Variants in TRIM22 observed in about 807,000 individuals in gnomAD.
TRIM22 encodes E3 ubiquitin-protein ligase TRIM22.
TRIM22 carries 45 observed loss-of-function variants against 53.6 expected under a neutral mutation model. The observed-to-expected ratio is 0.84, with a 90% CI of 0.66 to 1.08. The LOEUF is 1.08. TRIM22 is among the 50% of genes least tolerant of loss of function. The pLI is 0.00. For synonymous variants in TRIM22, 225 were observed against 216.6 expected, an observed-to-expected ratio of 1.04 and a Z score of -0.34; for missense variants, 616 against 590.9, an observed-to-expected ratio of 1.04 and a Z score of -0.44.
intron 2 of TRIM22, 118 bp from the exon 3 acceptor site, chr11:5,697,130 C>G (rs1853277290): frequency 1.4e-6 from 1 of 701,742 alleles, no homozygotes; most frequent in African/African-American, 1.8e-5. Flanking sequence ...TAATCACCAG[C>G]CTCACTGTTT....
Position 5,709,704 on chromosome 11 carries a change from T to C in TRIM22, c.*56T>C. 6.9e-7 allele frequency: 1 copy of C among 1,441,506 alleles called. No individual in the cohort carries two copies. Among genetic ancestry groups the C allele is most frequent in the Non-Finnish European group, 9.5e-7 (1 of 1,054,442 alleles). 89.3% of individuals were successfully genotyped at this position (1,441,506 alleles called of 1,614,324 possible). On this transcript the variant is annotated 3_prime_UTR_variant, in exon 8 of 8. Coordinates refer to ENST00000379965, the MANE Select transcript of TRIM22 (RefSeq NM_006074.5). ...AGTAGCCCTTGTGCTGAGACTCAGA[T>C]TCTGCACCTGAGTTCATCTCTACTG...
chr11:5,705,865 G>A (rs1853450001), intron 4 of TRIM22, among the ~76,000 whole-genome samples: 1 of 152,134 alleles, frequency 6.6e-6, no homozygotes, highest in Non-Finnish European at 1.5e-5. Flanking sequence ...ACTTGGTCCT[G>A]TGGCTTGTTT....
At chr11:5,703,006 C>T (rs557857910) in intron 4 of TRIM22, among the ~76,000 whole-genome samples, 11 of 152,166 alleles carry the variant, frequency 7.2e-5, no homozygotes, top group Non-Finnish European at 1.0e-4. Flanking sequence ...AGATCATTTA[C>T]ATACTGAATC....
At position 5,696,164 on chromosome 11, in the gene TRIM22, C is replaced by T; in HGVS notation, c.-66-3C>T. The T allele has an allele frequency of 6.9e-7, 1 of 1,441,942 alleles. No homozygotes were observed. Among genetic ancestry groups the T allele is most frequent in the Non-Finnish European group, 9.4e-7 (1 of 1,061,542 alleles). The allele number at this position is 1,441,942 out of a possible 1,614,324, so 89.3% of individuals were successfully genotyped here. A position where few individuals can be genotyped will look rare whatever the true frequency, so the allele number is the denominator to read the frequency against. ...CTTACCCTGTCCCCTTCAACATTCT[C>T]AGCACTGCAGGAGTTTGTGACCAAG... On this transcript the variant is annotated splice_region_variant and splice_polypyrimidine_tract_variant and intron_variant, in intron 1 of 7. Transcript: ENST00000379965.
intron 1 of TRIM22, among the ~76,000 whole-genome samples, chr11:5,695,725 TGCAAATA>T (rs1853248158): frequency 6.6e-6 from 1 of 152,206 alleles, no homozygotes; most frequent in African/African-American, 2.4e-5. Context: ...CTTAAAAATA[TGCAAATA>T]TTCATGAATC....
At chr11:5,696,793 G>A in intron 2 of TRIM22, 138 bp downstream of exon 2, 1 of 949,604 alleles carries the variant, frequency 1.1e-6, no homozygotes, top group Non-Finnish European at 1.5e-6. Flanking sequence ...CATACTCTTT[G>A]CTTAGTTTCT....
chr11:5,705,901 C>G (rs1382423037), intron 4 of TRIM22, among the ~76,000 whole-genome samples: 1 of 152,106 alleles, frequency 6.6e-6, no homozygotes, highest in African/African-American at 2.4e-5. Context: ...ATGAGATCAC[C>G]TACAGTGGAG....
chr11:5,706,483 T>C (rs576718429), intron 4 of TRIM22, 111 bp from the exon 5 acceptor site: 3 of 838,938 alleles, frequency 3.6e-6, no homozygotes, highest in South Asian at 1.8e-5. Flanking sequence ...ATAAGGGTCA[T>C]ATATATAACA....
chr11:5,702,180 CTA>C (rs983834717), intron 4 of TRIM22, among the ~76,000 whole-genome samples: 23 of 142,836 alleles, frequency 1.6e-4, no homozygotes, highest in African/African-American at 5.1e-4. Context: ...ATATACATAA[CTA>C]ATATATATTA....
chr11:5,694,460 T>A (rs1853224689), intron 1 of TRIM22, among the ~76,000 whole-genome samples: 1 of 152,216 alleles, frequency 6.6e-6, no homozygotes, highest in African/African-American at 2.4e-5. Flanking sequence ...ACATAGCTGG[T>A]CTGGATCTCT....
At chr11:5,695,378 T>A (rs912025015) in intron 1 of TRIM22, among the ~76,000 whole-genome samples, 1 of 152,074 alleles carries the variant, frequency 6.6e-6, no homozygotes, top group African/African-American at 2.4e-5. Flanking sequence ...TTTGATAGTT[T>A]AATTGAGGAG....
At chr11:5,707,668 T>C (rs5021595) in intron 5 of TRIM22, among the ~76,000 whole-genome samples, 108,414 of 151,730 alleles carry the variant, frequency 0.71, 39,204 homozygotes, top group African/African-American at 0.79. Context: ...AAAAATTAGC[T>C]GGATGTGGTA....
At chr11:5,696,725 T>G (rs1853269249) in intron 2 of TRIM22, 70 bp downstream of exon 2, 1 of 1,493,512 alleles carries the variant, frequency 6.7e-7, no homozygotes, top group Non-Finnish European at 9.0e-7. Context: ...TCTCCACTTT[T>G]TTTGTCCTGC....
intron 3 of TRIM22, chr11:5,697,997 C>A: frequency 3.7e-6 from 1 of 270,902 alleles, no homozygotes; most frequent in Non-Finnish European, 7.3e-6. Flanking sequence ...GCCACTGTGC[C>A]AGGCCAGGTA....
Position 5,708,153 on chromosome 11 carries a change from T to C in TRIM22, c.774-20T>C, listed in dbSNP as rs777219756. The C allele has an allele frequency of 1.3e-6, 2 of 1,584,628 alleles. No individual in the cohort carries two copies. The highest frequency in any genetic ancestry group is 1.3e-5 in the African/African-American group (1 of 74,382). On this transcript the variant is annotated intron_variant, in intron 5 of 7. Transcript: ENST00000379965. Reference sequence around the variant, plus strand: ...AAATAGGGCAAAGGTGTAAAGGTTATCAATTTTTGTTATCACTAGGAGTGA... The same window carrying C: ...AAATAGGGCAAAGGTGTAAAGGTTACCAATTTTTGTTATCACTAGGAGTGA...
intron 1 of TRIM22, among the ~76,000 whole-genome samples, chr11:5,691,820 T>C (rs1422413079): frequency 1.3e-5 from 2 of 152,190 alleles, no homozygotes; most frequent in Non-Finnish European, 2.9e-5. Flanking sequence ...ATGTGTCCTT[T>C]TCTTTGTTTC....
chr11:5,708,173 G>C lies in TRIM22; in HGVS notation c.774G>C (p.Arg258Ser). 1 of 1,611,902 alleles carries C rather than the reference G, an allele frequency of 6.2e-7. No homozygotes were observed. The highest frequency in any genetic ancestry group is 1.7e-4 in the Middle Eastern group (1 of 6,052). The stretch of plus-strand genomic sequence containing the variant: ...GGTTATCAATTTTTGTTATCACTAG[G>C]AGTGAAAGCTGGACATTGAAGAAGC... ...MLQDVIDVMK[R>S]SESWTLKKPK... is the part of the protein sequence containing the mutation. Residue 258 changes from arginine to serine, a missense_variant and splice_region_variant, in exon 6 of 8, where the codon AGG (arginine) becomes AGC (serine). Coordinates refer to ENST00000379965, the MANE Select transcript of TRIM22 (RefSeq NM_006074.5).
chr11:5,692,013 A>AAAAAAC (rs1236694453), intron 1 of TRIM22, among the ~76,000 whole-genome samples: 1 of 152,188 alleles, frequency 6.6e-6, no homozygotes, highest in South Asian at 2.1e-4. Context: ...AGGTATAGTA[A>AAAAAAC]AAAAACAAAA....
intron 5 of TRIM22, 72 bp downstream of exon 5, chr11:5,706,688 C>A: frequency 7.1e-7 from 1 of 1,410,344 alleles, no homozygotes; most frequent in Non-Finnish European, 9.7e-7. Flanking sequence ...TATCTTCCTT[C>A]AATCAGAACA....
Sources: allele counts gnomAD v4.1 joint callset (sites outside exome capture counted in the v4.1 genomes callset), GRCh38; gene constraint gnomAD v4.1.1; transcripts MANE v1.5; gene names NCBI Gene and HGNC (gene_info 2026-07-23, HGNC 2026-07-21).